Variants in NLRP3 observed in about 807,000 individuals in gnomAD.
The protein encoded by NLRP3 is NACHT, LRR and PYD domains-containing protein 3.
Under a neutral mutation model 91.3 loss-of-function variants are expected in NLRP3, and 48 were observed. That is an observed-to-expected ratio of 0.53 (90% CI 0.42 to 0.67). NLRP3 has a LOEUF of 0.67. Ranked by LOEUF, NLRP3 falls within the 30% of genes least tolerant of loss-of-function variation. The pLI is 0.00. For missense variants in NLRP3, 982 were observed against 1,276.9 expected (o/e 0.77, Z 3.52); for synonymous variants, 561 against 507.9 (o/e 1.10, Z -1.41).
chr1:247,434,601 G>A (rs1663653051), intron 6 of NLRP3, among the ~76,000 whole-genome samples: 1 of 152,182 alleles, frequency 6.6e-6, no homozygotes, highest in South Asian at 2.1e-4. Flanking sequence ...CAAGCCCTGG[G>A]TCCTCATATT....
intron 4 of NLRP3, among the ~76,000 whole-genome samples, chr1:247,426,263 A>G (rs994508714): frequency 4.6e-5 from 7 of 152,172 alleles, no homozygotes; most frequent in Admixed American, 1.3e-4. Context: ...CTAGGCCCCC[A>G]TGTTGCTCTG....
In NLRP3 at chr1:247,425,176, G is replaced by A. The variant is rs1326407288; in HGVS notation, c.1727G>A (p.Arg576His). The A allele has an allele frequency of 3.1e-6, 5 of 1,614,086 alleles. No individual in the cohort carries two copies. Among genetic ancestry groups the A allele is most frequent in the Non-Finnish European group, 3.4e-6 (4 of 1,180,030 alleles). The change falls in exon 4 of 10, where the codon CGT becomes CAT. Residue 576 changes from arginine to histidine, a missense_variant. Physicochemically the swap from Arg to His is conservative, Grantham distance 29. Coordinates refer to ENST00000336119, the MANE Select transcript of NLRP3 (RefSeq NM_001243133.2). This position sits in a 1 kb window ranked among gnomAD's most constrained non-coding sequence, Gnocchi z 4.1. ...FEKGYLIFVV[R>H]FLFGLVNQER... ...AAGGGGTATTTGATTTTTGTTGTAC[G>A]TTTCCTCTTTGGCCTGGTAAACCAG...
chr1:247,423,464 C>T, intron 3 of NLRP3, 115 bp downstream of exon 3: 1 of 1,222,646 alleles, frequency 8.2e-7, no homozygotes, highest in Admixed American at 1.7e-5. Context: ...CTTTGGAATG[C>T]AAAGGCCTGT....
Position 247,425,588 on chromosome 1 carries a change from C to T in NLRP3, c.2139C>T (p.Ala713=), listed in dbSNP as rs1446942832. The T allele has an allele frequency of 6.2e-7, 1 of 1,606,264 alleles. No homozygotes were observed. The highest frequency in any genetic ancestry group is 1.7e-5 in the Admixed American group (1 of 60,022). The change falls in exon 4 of 10, where the codon GCC becomes GCT. Residue 713 remains alanine (A), a synonymous_variant. Transcript: ENST00000336119. This position sits in a 1 kb window ranked among gnomAD's most constrained non-coding sequence, Gnocchi z 4.1. ...QCVLPSSSHA[A]CSHGLVNSHL... is the part of the protein sequence containing the mutation. ...TCCTCCCAAGCTCCTCTCATGCTGC[C>T]TGTTCTCATGGGTAAGGAAACTCGG...
chr1:247,438,448 A>T (rs1274415195), intron 7 of NLRP3, among the ~76,000 whole-genome samples: 1 of 138,268 alleles, frequency 7.2e-6, no homozygotes, highest in East Asian at 2.1e-4. Context: ...CAGTGGCGCA[A>T]TCTTGGCTCA....
chr1:247,439,536 G>T lies in NLRP3; in HGVS notation c.2663+3396G>T, dbSNP rs528294296. 5.9e-5 allele frequency among the ~76,000 whole-genome samples: 9 copies of T among 152,226 alleles called. No homozygotes were observed. In the South Asian group the frequency reaches 1.9e-3, roughly 32 times the overall value. On this transcript the variant is annotated intron_variant, in intron 7 of 9. Transcript: ENST00000336119. Reference sequence around the variant, plus strand: ...CTTTCTCCATGTCCCAAGTTTCCCTGTGAAAGAACACAAGTCATGTTAGAT... The same window carrying T: ...CTTTCTCCATGTCCCAAGTTTCCCTTTGAAAGAACACAAGTCATGTTAGAT...
chr1:247,416,381 C>T (rs1395102822), intron 1 of NLRP3, among the ~76,000 whole-genome samples, 188 bp downstream of exon 1: 2 of 152,066 alleles, frequency 1.3e-5, no homozygotes, highest in African/African-American at 2.4e-5. Context: ...TGTGCAAGTT[C>T]GTGTGTGTGT....
At position 247,434,187 on chromosome 1, in the gene NLRP3, C is replaced by T; in HGVS notation, c.2406C>T (p.Asp802=). The part of the protein sequence containing the change: ...LSSNQKLVEL[D]LSDNALGDFG... ...GCAACCAGAAGCTGGTGGAGCTGGACCTGAGTGACAACGCCCTCGGTGACT... is the reference window on the plus strand; with the variant it reads ...GCAACCAGAAGCTGGTGGAGCTGGATCTGAGTGACAACGCCCTCGGTGACT... The change falls in exon 6 of 10, where the codon GAC becomes GAT. Residue 802 remains aspartate, a synonymous_variant. Coordinates refer to ENST00000336119, the MANE Select transcript of NLRP3 (RefSeq NM_001243133.2). 3.1e-6 allele frequency: 5 copies of T among 1,614,254 alleles called. No homozygotes were observed. Among genetic ancestry groups the T allele is most frequent in the South Asian group, 1.1e-5 (1 of 91,090 alleles).
chr1:247,437,273 G>T (rs1401254013), intron 7 of NLRP3, among the ~76,000 whole-genome samples: 1 of 152,170 alleles, frequency 6.6e-6, no homozygotes. Flanking sequence ...TAAGCAAATT[G>T]GATAGGTCTT....
chr1:247,417,335 A>G (rs896070410), intron 1 of NLRP3, among the ~76,000 whole-genome samples: 3 of 152,196 alleles, frequency 2.0e-5, no homozygotes, highest in African/African-American at 7.2e-5. Context: ...GGTGCACCTC[A>G]TAGAGCTCTG....
chr1:247,441,200 C>CCCCCTTT (rs1230421315), intron 7 of NLRP3, among the ~76,000 whole-genome samples: 21 of 108,798 alleles, frequency 1.9e-4, no homozygotes, highest in Non-Finnish European at 3.7e-4. Context: ...CCCTCCCCCC[C>CCCCCTTT]CCCTTTCCCT....
intron 1 of NLRP3, among the ~76,000 whole-genome samples, chr1:247,416,902 C>T (rs1662105986): frequency 6.6e-6 from 1 of 152,114 alleles, no homozygotes; most frequent in Admixed American, 6.5e-5. Flanking sequence ...CTCTGCCTCC[C>T]TTGAGTGTTA....
chr1:247,438,949 T>C (rs1314029063), intron 7 of NLRP3, among the ~76,000 whole-genome samples: 1 of 152,102 alleles, frequency 6.6e-6, no homozygotes, highest in Middle Eastern at 3.2e-3. Flanking sequence ...CAATAGATTG[T>C]TATATAATCC....
chr1:247,437,120 C>A (rs1033526997), intron 7 of NLRP3, among the ~76,000 whole-genome samples: 1 of 152,186 alleles, frequency 6.6e-6, no homozygotes, highest in Non-Finnish European at 1.5e-5. Context: ...CTAATGGGCT[C>A]TCTACAGGGC....
intron 7 of NLRP3, among the ~76,000 whole-genome samples, chr1:247,441,686 C>T (rs1664252887): frequency 1.3e-5 from 2 of 151,254 alleles, no homozygotes; most frequent in Admixed American, 6.6e-5. Context: ...CAATCACATT[C>T]CTCTAATCCA....
Position 247,423,955 on chromosome 1 carries a change from T to C in NLRP3, c.506T>C (p.Leu169Pro). Reference sequence around the variant, plus strand: ...AGCCTCAACAAACGCTACACACGACTGCGTCTCATCAAGGAGCACCGGAGC... The same window carrying C: ...AGCCTCAACAAACGCTACACACGACCGCGTCTCATCAAGGAGCACCGGAGC... Reference protein sequence around the residue: ...SVSLNKRYTRLRLIKEHRSQQ... With the variant: ...SVSLNKRYTRPRLIKEHRSQQ... Residue 169 changes from leucine (L) to proline (P), a missense_variant, in exon 4 of 10, where the codon CTG becomes CCG. By Grantham distance (98) the Leu-to-Pro change is moderately conservative. Around this residue, in one of 5 missense-constraint regions of NLRP3, gnomAD observed 548 missense variants for 713.7 expected, o/e 0.77. Transcript: ENST00000336119. The C allele has an allele frequency of 6.2e-7, 1 of 1,614,028 alleles. No homozygotes were observed. The highest frequency in any genetic ancestry group is 8.5e-7 in the Non-Finnish European group (1 of 1,179,996).
intron 7 of NLRP3, among the ~76,000 whole-genome samples, chr1:247,438,378 G>GTTTTTTTT (rs74163772): frequency 1.9e-4 from 14 of 71,922 alleles, no homozygotes; most frequent in African/African-American, 4.8e-4. Context: ...GTTTAGTTGT[G>GTTTTTTTT]TTTTTTTTTT....
chr1:247,425,728 A>C lies in NLRP3; in HGVS notation c.2150+129A>C. Reference sequence around the variant, plus strand: ...GCCACAGCTACATCATAATGCCACCACTGTCTGTTTGAGACTCCTTCATGA... The same window carrying C: ...GCCACAGCTACATCATAATGCCACCCCTGTCTGTTTGAGACTCCTTCATGA... On this transcript the variant is annotated intron_variant, in intron 4 of 9. Transcript: ENST00000336119. This position sits in a 1 kb window ranked among gnomAD's most constrained non-coding sequence, Gnocchi z 4.1. 1.2e-6 allele frequency: 1 copy of C among 857,180 alleles called. No homozygotes were observed. Among genetic ancestry groups the C allele is most frequent in the Admixed American group, 2.0e-5 (1 of 50,122 alleles). 53.1% of individuals were successfully genotyped at this position (857,180 alleles called of 1,614,324 possible).
intron 7 of NLRP3, among the ~76,000 whole-genome samples, chr1:247,441,793 T>A (rs1191867125): frequency 1.4e-4 from 21 of 152,238 alleles, no homozygotes; most frequent in Non-Finnish European, 2.9e-5. Flanking sequence ...TTTTCACAAT[T>A]TGGATATGAC....
Sources: allele counts gnomAD v4.1 joint callset (sites outside exome capture counted in the v4.1 genomes callset), GRCh38; gene constraint gnomAD v4.1.1; regional missense constraint gnomAD v4.1.1; non-coding constraint Gnocchi (gnomAD v3.1); transcripts MANE v1.5; gene names NCBI Gene and HGNC (gene_info 2026-07-23, HGNC 2026-07-21).